FHIT: variants seen among roughly 807,000 people sequenced by gnomAD.
The protein encoded by FHIT is bis(5'-adenosyl)-triphosphatase.
Under a neutral mutation model 17.9 loss-of-function variants are expected in FHIT, and 19 were observed. That is an observed-to-expected ratio of 1.06 (90% confidence interval 0.74 to 1.56). FHIT has a LOEUF of 1.56. FHIT is among the 40% of genes most tolerant of loss of function. FHIT has a pLI of 0.00. For missense variants in FHIT, 248 were observed against 189.2 expected (o/e 1.31, Z -1.82); for synonymous variants, 81 against 69.7 (o/e 1.16, Z -0.81).
intron 3 of FHIT, among the ~76,000 whole-genome samples, chr3:60,979,576 T>C (rs1014286394): frequency 6.6e-6 from 1 of 152,190 alleles, no homozygotes; most frequent in African/African-American, 2.4e-5. Context: ...TGGCAGCGGA[T>C]GGGTGTTATA....
At chr3:61,029,964 TTTTG>T (rs895023547) in intron 3 of FHIT, among the ~76,000 whole-genome samples, 15 of 152,106 alleles carry the variant, frequency 9.9e-5, no homozygotes, top group African/African-American at 2.2e-4. Context: ...AAATCTACAT[TTTTG>T]TTTGTTTGTT....
chr3:60,715,828 T>A (rs370275798), intron 4 of FHIT, among the ~76,000 whole-genome samples: 11 of 152,096 alleles, frequency 7.2e-5, no homozygotes, highest in African/African-American at 2.7e-4. Flanking sequence ...AATATTAACA[T>A]AGTGAAAAAG....
At chr3:60,140,142 T>A (rs1384903423) in intron 5 of FHIT, among the ~76,000 whole-genome samples, 2 of 151,960 alleles carry the variant, frequency 1.3e-5, no homozygotes, top group Admixed American at 6.6e-5. Context: ...AATTGGTTAA[T>A]TGTAGATTAC....
intron 5 of FHIT, among the ~76,000 whole-genome samples, chr3:60,062,624 C>T (rs1702338968): frequency 6.6e-6 from 1 of 152,136 alleles, no homozygotes; most frequent in Non-Finnish European, 1.5e-5. Flanking sequence ...CCTAAGAAGG[C>T]ATTCTTCTGT....
At chr3:60,257,112 A>G (rs1706037472) in intron 5 of FHIT, among the ~76,000 whole-genome samples, 1 of 152,174 alleles carries the variant, frequency 6.6e-6, no homozygotes, top group South Asian at 2.1e-4. Flanking sequence ...TTTTATAAAC[A>G]TGCCTGTTGT....
chr3:60,739,005 AGAG>A (rs1206056544), intron 4 of FHIT, among the ~76,000 whole-genome samples: 2 of 152,116 alleles, frequency 1.3e-5, no homozygotes, highest in African/African-American at 4.8e-5. Flanking sequence ...AGAGAAAGAG[AGAG>A]GAGAAGGAAT....
Position 61,104,304 on chromosome 3 carries a change from C to T in FHIT, c.-163-62205G>A, listed in dbSNP as rs144526601. 7.6e-3 allele frequency among the ~76,000 whole-genome samples: 1,150 copies of T among 152,134 alleles called. 4 individuals carry two copies. Among genetic ancestry groups the T allele is most frequent in the Non-Finnish European group, 0.012 (828 of 67,958 alleles). On this transcript the variant is annotated intron_variant, in intron 2 of 9. Coordinates refer to ENST00000492590, the MANE Select transcript of FHIT (RefSeq NM_002012.4). Reference sequence around the variant, plus strand: ...CAGCATTTGCTTGTCTGAAAAGGATCTTATTTCTCCTTCGTTTATGAAGCT... The same window carrying T: ...CAGCATTTGCTTGTCTGAAAAGGATTTTATTTCTCCTTCGTTTATGAAGCT...
At chr3:60,245,599 AAG>A (rs1705354061) in intron 5 of FHIT, among the ~76,000 whole-genome samples, 2 of 152,094 alleles carry the variant, frequency 1.3e-5, no homozygotes, top group African/African-American at 4.8e-5. Context: ...TAATTGAAAA[AAG>A]AAACTAGTGA....
chr3:60,623,738 A>G (rs542127090), intron 4 of FHIT, among the ~76,000 whole-genome samples: 11 of 152,302 alleles, frequency 7.2e-5, no homozygotes, highest in Non-Finnish European at 1.3e-4. Context: ...TAGTAAAACT[A>G]TGGGAAGAGC....
In FHIT at chr3:61,111,525, C is replaced by T. The variant is rs574132825; in HGVS notation, c.-163-69426G>A. Among the ~76,000 whole-genome samples, 6 of 152,312 alleles carry T rather than the reference C, an allele frequency of 3.9e-5. No homozygotes were observed. In the South Asian group the frequency reaches 1.0e-3, roughly 26 times the overall value. ...CTGACACATCACAGGCACTCACGTG[C>T]ATTTGCTGCGTGGAGGAAAGAATAT... On this transcript the variant is annotated intron_variant, in intron 2 of 9. Transcript: ENST00000492590.
At chr3:60,973,644 T>C (rs1162732556) in intron 3 of FHIT, among the ~76,000 whole-genome samples, 1 of 152,200 alleles carries the variant, frequency 6.6e-6, no homozygotes, top group African/African-American at 2.4e-5. Context: ...TTATTTTCCC[T>C]GATTTTTAAT....
intron 5 of FHIT, among the ~76,000 whole-genome samples, chr3:60,534,023 C>A (rs1231502545): frequency 1.3e-5 from 2 of 152,190 alleles, no homozygotes; most frequent in African/African-American, 4.8e-5. Flanking sequence ...CTCCAGACAT[C>A]TCACCATTTA....
rs782486046 is a variant in FHIT at position 60,931,945 on chromosome 3, A to G, written c.-110-109934T>C. Among the ~76,000 whole-genome samples, 81 of 152,188 alleles carry G rather than the reference A, an allele frequency of 5.3e-4. 3 individuals carry two copies. The highest frequency in any genetic ancestry group is 1.0e-4 in the Non-Finnish European group (7 of 68,036). The stretch of plus-strand genomic sequence containing the variant: ...TTCTGTGGATTTTTACCAGAGCACA[A>G]GGGTGTGATATGCACAATTCAGAAC... On this transcript the variant is annotated intron_variant, in intron 3 of 9. Coordinates refer to ENST00000492590, the MANE Select transcript of FHIT (RefSeq NM_002012.4).
At chr3:61,000,473 A>G (rs1184509481) in intron 3 of FHIT, among the ~76,000 whole-genome samples, 1 of 152,202 alleles carries the variant, frequency 6.6e-6, no homozygotes, top group Admixed American at 6.5e-5. Context: ...ATCTCCAGGA[A>G]AATCAGTCCT....
At chr3:60,581,360 G>C (rs1553659644) in intron 4 of FHIT, among the ~76,000 whole-genome samples, 1 of 152,022 alleles carries the variant, frequency 6.6e-6, no homozygotes, top group African/African-American at 2.4e-5. Context: ...CTAGTACCTT[G>C]CTCTTGACCT....
intron 5 of FHIT, among the ~76,000 whole-genome samples, chr3:60,332,370 G>C (rs1384336681): frequency 1.3e-5 from 2 of 152,202 alleles, no homozygotes; most frequent in Non-Finnish European, 2.9e-5. Context: ...CTTGGCTATA[G>C]AGTATCTGCT....
chr3:60,849,970 C>T (rs1218197005), intron 3 of FHIT, among the ~76,000 whole-genome samples: 2 of 152,072 alleles, frequency 1.3e-5, no homozygotes, highest in Non-Finnish European at 2.9e-5. Flanking sequence ...TAACTATTTC[C>T]TTCCCTCTTT....
chr3:60,358,604 A>T (rs1380114680), intron 5 of FHIT, among the ~76,000 whole-genome samples: 1 of 152,240 alleles, frequency 6.6e-6, no homozygotes, highest in East Asian at 1.9e-4. Context: ...GCTTTATTTC[A>T]GAAAGAGCAT....
intron 7 of FHIT, among the ~76,000 whole-genome samples, chr3:59,999,687 C>G (rs1699653902): frequency 6.6e-6 from 1 of 152,070 alleles, no homozygotes; most frequent in Non-Finnish European, 1.5e-5. Context: ...TCGCTGCACC[C>G]TCTGCCGCCT....
Sources: allele counts gnomAD v4.1 joint callset (sites outside exome capture counted in the v4.1 genomes callset), GRCh38; gene constraint gnomAD v4.1.1; transcripts MANE v1.5; gene names NCBI Gene and HGNC (gene_info 2026-07-23, HGNC 2026-07-21).